HCK: variants seen among roughly 807,000 people sequenced by gnomAD.
HCK encodes HCK proto-oncogene, Src family tyrosine kinase.
A neutral mutation model predicts 70.4 loss-of-function variants in HCK; 40 were observed. That is an observed-to-expected ratio of 0.57 (90% CI 0.44 to 0.74). The LOEUF (loss-of-function observed/expected upper bound fraction) is 0.74. Among genes scored for constraint, HCK ranks in the 30% least tolerant of loss-of-function variants. The pLI, the probability that HCK is intolerant of heterozygous loss-of-function variation, is 0.00. For synonymous variants in HCK, 245 were observed against 263.2 expected, an observed-to-expected ratio of 0.93 and a Z score of 0.67; for missense variants, 568 against 697.2, an observed-to-expected ratio of 0.81 and a Z score of 2.09.
chr20:32,097,720 T>TAC lies in HCK; in HGVS notation c.1247-1271_1247-1270dup, dbSNP rs139002310. ...CCAAAGGAGGAAGGGAGAAAACATA[T>TAC]ACACACACACACACTCTCACACACA... On this transcript the variant is annotated intron_variant, in intron 11 of 12. Coordinates refer to ENST00000375852, the MANE Select transcript of HCK (RefSeq NM_002110.5). Among the ~76,000 whole-genome samples, 15 of 151,696 alleles carry TAC rather than the reference T, an allele frequency of 9.9e-5. No homozygotes were observed. The South Asian group carries it at 1.5e-3, about 15-fold the overall frequency.
At chr20:32,055,780 A>G (rs896453571) in intron 1 of HCK, among the ~76,000 whole-genome samples, 1 of 152,158 alleles carries the variant, frequency 6.6e-6, no homozygotes, top group Non-Finnish European at 1.5e-5. Flanking sequence ...GCTCCTAAAC[A>G]TTTCCATCAC....
At chr20:32,086,901 T>C (rs1282001163) in intron 9 of HCK, 94 bp downstream of exon 9, 2 of 1,181,432 alleles carry the variant, frequency 1.7e-6, no homozygotes, top group Non-Finnish European at 2.3e-6. Context: ...GCCCTTGAGA[T>C]GGCCCCAATC....
chr20:32,098,097 G>T (rs531143993), intron 11 of HCK, among the ~76,000 whole-genome samples: 10 of 151,978 alleles, frequency 6.6e-5, no homozygotes, highest in South Asian at 4.2e-4. Flanking sequence ...ATCCAGGCTG[G>T]AGTGCAGTGG....
At chr20:32,071,625 T>G (rs766002196) in intron 1 of HCK, 37 bp from the exon 2 acceptor site, 11 of 1,607,420 alleles carry the variant, frequency 6.8e-6, no homozygotes, top group Non-Finnish European at 8.5e-7. Context: ...ATGAGGCTCT[T>G]GGTAACTGGG....
intron 5 of HCK, 93 bp downstream of exon 5, chr20:32,074,814 C>CT: frequency 1.2e-6 from 1 of 807,798 alleles, no homozygotes; most frequent in Non-Finnish European, 2.1e-6. Context: ...GTACCACTGC[C>CT]TGGCACATAC....
chr20:32,071,455 G>A (rs2045537010), intron 1 of HCK, among the ~76,000 whole-genome samples: 1 of 152,272 alleles, frequency 6.6e-6, no homozygotes, highest in African/African-American at 2.4e-5. Context: ...GCTGTGGCAC[G>A]TGGACATGGG....
chr20:32,075,876 A>G (rs1241178063), intron 5 of HCK, among the ~76,000 whole-genome samples: 1 of 152,226 alleles, frequency 6.6e-6, no homozygotes, highest in Non-Finnish European at 1.5e-5. Flanking sequence ...GGGTGGCAAT[A>G]CATCCCATTA....
chr20:32,101,210 C>T, intron 12 of HCK, 107 bp from the exon 13 acceptor site: 1 of 914,964 alleles, frequency 1.1e-6, no homozygotes, highest in Non-Finnish European at 1.7e-6. Context: ...GCTCAGCTTG[C>T]AAGGTGAGGT....
intron 11 of HCK, among the ~76,000 whole-genome samples, chr20:32,095,887 A>G (rs1027624168): frequency 6.7e-6 from 1 of 149,616 alleles, no homozygotes; most frequent in Admixed American, 6.6e-5. Context: ...TTATTTATTT[A>G]TTTATTTATT....
intron 6 of HCK, among the ~76,000 whole-genome samples, chr20:32,081,231 T>C (rs1264770502): frequency 1.3e-5 from 2 of 152,216 alleles, no homozygotes; most frequent in Non-Finnish European, 1.5e-5. Context: ...CTGCTGAAAA[T>C]GCTCCTTGGA....
chr20:32,071,895 A>T (rs985754856), intron 2 of HCK, 113 bp downstream of exon 2: 1 of 1,321,370 alleles, frequency 7.6e-7, no homozygotes, highest in African/African-American at 1.5e-5. Context: ...GGTGAAAGGG[A>T]GCTGACTGGC....
rs528384082 is a variant in HCK, at chr20:32,052,517, C to A, written c.62+31C>A. The A allele has an allele frequency of 5.2e-5, 65 of 1,257,800 alleles. No individual in the cohort carries two copies. The Admixed American group carries it at 1.6e-3, about 31-fold the overall frequency. The allele number at this position is 1,257,800 out of a possible 1,614,324, so 77.9% of individuals were successfully genotyped here. ...TGCCGCGCACAGGGGACCGGGAATACCCGGCCCGCGAGGGGTCCCAGGAGG... is the reference window on the plus strand; with the variant it reads ...TGCCGCGCACAGGGGACCGGGAATAACCGGCCCGCGAGGGGTCCCAGGAGG... On this transcript the variant is annotated intron_variant, in intron 1 of 12. Coordinates refer to ENST00000375852, the MANE Select transcript of HCK (RefSeq NM_002110.5).
At chr20:32,064,379 C>T (rs1421844498) in intron 1 of HCK, among the ~76,000 whole-genome samples, 1 of 152,198 alleles carries the variant, frequency 6.6e-6, no homozygotes, top group Non-Finnish European at 1.5e-5. Context: ...GGAGTCAACT[C>T]TATCCCAATC....
In HCK at chr20:32,076,803, TGG is replaced by T. The variant is rs1159549430; in HGVS notation, c.428+2083_428+2084del. Among the ~76,000 whole-genome samples the T allele has an allele frequency of 6.7e-4, 102 of 152,246 alleles. No homozygotes were observed. In the East Asian group the frequency reaches 0.014, roughly 20 times the overall value. On this transcript the variant is annotated intron_variant, in intron 5 of 12. Coordinates refer to ENST00000375852, the MANE Select transcript of HCK (RefSeq NM_002110.5). ...AACCACTGATCTAAATACGCATATC[TGG>T]CCAGGTGTGGTGGCTCACACCTGTA...
intron 1 of HCK, among the ~76,000 whole-genome samples, chr20:32,067,469 A>G (rs1257084461): frequency 1.4e-5 from 2 of 147,726 alleles, no homozygotes; most frequent in African/African-American, 5.0e-5. Flanking sequence ...TCGGAATGTA[A>G]TTGTGTGTCC....
At position 32,086,648 on chromosome 20, in the gene HCK, A is replaced by G; in HGVS notation, c.856A>G (p.Lys286Glu). ...TCCAGCCACCTACAACAAGCACACC[A>G]AGGTGGCAGTGAAGACGATGAAGCC... Residue 286 changes from lysine (K) to glutamate (E), a missense_variant, in exon 9 of 13, where the codon AAG becomes GAG. Around this residue, in one of 4 missense-constraint regions of HCK, gnomAD observed 160 missense variants for 237.5 expected, o/e 0.67. Transcript: ENST00000375852. 2 of 1,612,404 alleles carry G rather than the reference A, an allele frequency of 1.2e-6. No individual in the cohort carries two copies. Among genetic ancestry groups the G allele is most frequent in the Non-Finnish European group, 1.7e-6 (2 of 1,179,262 alleles).
chr20:32,093,490 C>CGTGTGTGTGT (rs3073297), intron 10 of HCK, among the ~76,000 whole-genome samples: 10,404 of 146,322 alleles, frequency 0.071, 404 homozygotes, highest in South Asian at 0.084. Context: ...TCCTAGGGTT[C>CGTGTGTGTGT]GTGTGTGTGT....
intron 5 of HCK, among the ~76,000 whole-genome samples, chr20:32,078,235 C>CG (rs1239566112): frequency 6.8e-6 from 1 of 147,364 alleles, no homozygotes; most frequent in African/African-American, 2.5e-5. Flanking sequence ...TTAGTCGAGA[C>CG]GGGGTTTCAC....
Position 32,094,705 on chromosome 20 carries a change from A to AAAAGAAAG in HCK, c.1246+740_1246+747dup, listed in dbSNP as rs71185377. ...TTGTCAAAAGAAAAGAAAAGAAAAG[A>AAAAGAAAG]AAAGAAAGAAAGAAAGAAAGAAAGA... is the stretch of plus-strand genomic sequence containing the variant. On this transcript the variant is annotated intron_variant, in intron 11 of 12. Coordinates refer to ENST00000375852, the MANE Select transcript of HCK (RefSeq NM_002110.5). Among the ~76,000 whole-genome samples, 89 of 74,868 alleles carry AAAAGAAAG rather than the reference A, an allele frequency of 1.2e-3. 1 individual carries two copies. Among genetic ancestry groups the AAAAGAAAG allele is most frequent in the African/African-American group, 2.4e-3 (31 of 12,782 alleles). 49.1% of individuals were successfully genotyped at this position (74,868 alleles called of 152,430 possible). A position where few individuals can be genotyped will look rare whatever the true frequency, so the allele number is the denominator to read the frequency against.
Sources: allele counts gnomAD v4.1 joint callset (sites outside exome capture counted in the v4.1 genomes callset), GRCh38; gene constraint gnomAD v4.1.1; regional missense constraint gnomAD v4.1.1; transcripts MANE v1.5; gene names NCBI Gene and HGNC (gene_info 2026-07-23, HGNC 2026-07-21).